Variants in CRNKL1 observed in about 807,000 individuals in gnomAD.
CRNKL1 encodes the protein crooked neck pre-mRNA splicing factor 1.
A neutral mutation model predicts 103.7 loss-of-function variants in CRNKL1; 35 were observed. That is an observed-to-expected ratio of 0.34 (90% CI 0.26 to 0.45). The LOEUF is 0.45. CRNKL1 is among the 20% of genes least tolerant of loss of function. The pLI is 1.00. For synonymous variants in CRNKL1, 267 were observed against 282.6 expected, an observed-to-expected ratio of 0.94 and a Z score of 0.55; for missense variants, 645 against 836.0, an observed-to-expected ratio of 0.77 and a Z score of 2.82.
chr20:20,052,761 C>G (rs1335346399), upstream of CRNKL1: 1 of 1,552,578 alleles, frequency 6.4e-7, no homozygotes, highest in Admixed American at 1.9e-5. Flanking sequence ...TCTGGATGCT[C>G]GAGGGCGGGG....
At chr20:20,038,315 G>A (rs1397662877) in intron 12 of CRNKL1, 34 bp downstream of exon 12, 2 of 1,333,456 alleles carry the variant, frequency 1.5e-6, no homozygotes, top group African/African-American at 2.9e-5. Context: ...GCTGATTCAA[G>A]CAAAATGAAA....
chr20:20,040,804 C>A (rs752845313), intron 9 of CRNKL1, 38 bp from the exon 10 acceptor site: 1 of 1,355,874 alleles, frequency 7.4e-7, no homozygotes, highest in South Asian at 1.3e-5. Flanking sequence ...AGCTTAAAAG[C>A]CTCATCCAAA....
chr20:20,040,544 T>C (rs2043496915), intron 10 of CRNKL1, 142 bp downstream of exon 10: 3 of 667,458 alleles, frequency 4.5e-6, no homozygotes, highest in Non-Finnish European at 7.8e-6. Context: ...AGAGGACGCA[T>C]GTTTTCTAAC....
chr20:20,055,535 G>A (rs2044247988), upstream of CRNKL1, among the ~76,000 whole-genome samples: 2 of 152,050 alleles, frequency 1.3e-5, no homozygotes, highest in Admixed American at 6.5e-5. Flanking sequence ...GTGTCAGATC[G>A]GCTCACATCA....
At chr20:20,041,045 G>A (rs1342622820) in intron 9 of CRNKL1, among the ~76,000 whole-genome samples, 1 of 152,206 alleles carries the variant, frequency 6.6e-6, no homozygotes, top group African/African-American at 2.4e-5. Flanking sequence ...GTATGGCACG[G>A]TAGCCTCTGC....
intron 2 of CRNKL1, 67 bp downstream of exon 2, chr20:20,050,403 G>A: frequency 1.4e-6 from 2 of 1,424,844 alleles, no homozygotes; most frequent in Non-Finnish European, 9.6e-7. Flanking sequence ...CAACCAATGA[G>A]GAGCTTTTCA....
Position 20,037,522 on chromosome 20 carries a change from C to T in CRNKL1, c.1697G>A (p.Ser566Asn). 1 of 1,614,160 alleles carries T rather than the reference C, an allele frequency of 6.2e-7. No individual in the cohort carries two copies. The highest frequency in any genetic ancestry group is 8.5e-7 in the Non-Finnish European group (1 of 1,180,010). The change falls in exon 13 of 14, where the codon AGT becomes AAT. Residue 566 changes from serine (S) to asparagine (N), a missense_variant. By Grantham distance (46) the Ser-to-Asn change is conservative. Coordinates refer to ENST00000536226, the MANE Select transcript of CRNKL1 (RefSeq NM_001278628.2). ...QFELSSGKEGSLTKCRQIYEE... is the reference protein window; with the variant it reads ...QFELSSGKEGNLTKCRQIYEE... ...ATAAATTTGTCTGCATTTAGTCAAA[C>T]TTCCTTCTTTTCCTGAAGACAACTC...
In CRNKL1 at chr20:20,035,939, C is replaced by A; in HGVS notation, c.*256G>T. On this transcript the variant is annotated 3_prime_UTR_variant, in exon 14 of 14. Transcript: ENST00000536226. The stretch of plus-strand genomic sequence containing the variant: ...TAGAATGTTACCTTAATTACATTTC[C>A]TAATGCATGATGTGGACAGACATTA... 1 of 377,076 alleles carries A rather than the reference C, an allele frequency of 2.7e-6. No homozygotes were observed. The allele number at this position is 377,076 out of a possible 1,614,324, so 23.4% of individuals were successfully genotyped here.
intron 11 of CRNKL1, chr20:20,038,677 A>G: frequency 2.6e-6 from 1 of 389,840 alleles, no homozygotes; most frequent in Non-Finnish European, 4.5e-6. Flanking sequence ...TCAGTCTTAG[A>G]GATTCTCTTT....
chr20:20,048,317 G>A, intron 4 of CRNKL1, 26 bp downstream of exon 4: 2 of 1,612,156 alleles, frequency 1.2e-6, no homozygotes, highest in South Asian at 2.2e-5. Flanking sequence ...TCTATAAAAG[G>A]CTGTTTTGTT....
At chr20:20,054,122 A>G (rs1316161414), upstream of CRNKL1, among the ~76,000 whole-genome samples, 1 of 148,128 alleles carries the variant, frequency 6.8e-6, no homozygotes, top group Non-Finnish European at 1.5e-5. Flanking sequence ...CCCAGCATTT[A>G]ATCTTGTATT....
intron 4 of CRNKL1, 118 bp from the exon 5 acceptor site, chr20:20,048,049 T>C: frequency 7.8e-7 from 1 of 1,275,906 alleles, no homozygotes. Context: ...TTGTCATTTG[T>C]ATGTAAATCT....
In CRNKL1 at chr20:20,038,405, T is replaced by G; in HGVS notation, c.1591A>C (p.Thr531Pro). 1 of 1,552,768 alleles carries G rather than the reference T, an allele frequency of 6.4e-7. No individual in the cohort carries two copies. Reference sequence around the variant, plus strand: ...CGGTAAAGGTTTCGTGTTCTTTCTGTTTCTTCCTGCTCAATTTCAAAATCA... The same window carrying G: ...CGGTAAAGGTTTCGTGTTCTTTCTGGTTCTTCCTGCTCAATTTCAAAATCA... ...YIDFEIEQEE[T>P]ERTRNLYRRL... Residue 531 changes from threonine (T) to proline (P), a missense_variant, in exon 12 of 14, where the codon ACA (threonine) becomes CCA (proline). Physicochemically the swap from Thr to Pro is conservative, Grantham distance 38. Coordinates refer to ENST00000536226, the MANE Select transcript of CRNKL1 (RefSeq NM_001278628.2).
chr20:20,037,392 A>C lies in CRNKL1; in HGVS notation c.1827T>G (p.Asp609Glu). 1 of 1,614,096 alleles carries C rather than the reference A, an allele frequency of 6.2e-7. No homozygotes were observed. Among genetic ancestry groups the C allele is most frequent in the South Asian group, 1.1e-5 (1 of 91,080 alleles). ...SFEEEFGTAS[D>E]KERVDKLMPE... ...GCATGAGTTTGTCTACTCTCTCCTT[A>C]TCTGAAGCTGTTCCAAATTCTTCTT... is the stretch of plus-strand genomic sequence containing the variant. Residue 609 changes from aspartate to glutamate, a missense_variant, in exon 13 of 14, where the codon GAT (aspartate) becomes GAG (glutamate). Transcript: ENST00000536226.
intron 13 of CRNKL1, 140 bp downstream of exon 13, chr20:20,037,183 G>A (rs1184725939): frequency 5.9e-6 from 6 of 1,015,818 alleles, no homozygotes; most frequent in Admixed American, 2.3e-5. Flanking sequence ...ATAACAGCCA[G>A]ATTGCAACCA....
At position 20,039,760 on chromosome 20, in the gene CRNKL1, C is replaced by T. The variant is rs1393718658; in HGVS notation, c.1394G>A (p.Arg465Gln). ...ELQLREFDRC[R>Q]KLYEKFLEFG... ...TTCCAGGAACTTTTCATAAAGCTTC[C>T]GGCATCTGTCAAATTCTCGAAGCTG... Residue 465 changes from arginine to glutamine, a missense_variant, in exon 11 of 14, where the codon CGG (arginine) becomes CAG (glutamine). Around this residue, in one of 2 missense-constraint regions of CRNKL1, gnomAD observed 582 missense variants for 707.7 expected, o/e 0.82. Coordinates refer to ENST00000536226, the MANE Select transcript of CRNKL1 (RefSeq NM_001278628.2). The T allele has an allele frequency of 2.2e-5, 35 of 1,614,010 alleles. No homozygotes were observed. Among genetic ancestry groups the T allele is most frequent in the Admixed American group, 1.3e-4 (8 of 60,002 alleles).
chr20:20,052,752 C>T, upstream of CRNKL1: 1 of 1,566,976 alleles, frequency 6.4e-7, no homozygotes, highest in Non-Finnish European at 8.7e-7. Context: ...GAGCTCCAAT[C>T]TGGATGCTCG....
chr20:20,044,786 AT>A (rs11478926), intron 6 of CRNKL1, among the ~76,000 whole-genome samples: 23,795 of 147,966 alleles, frequency 0.16, 3,659 homozygotes, highest in East Asian at 0.61. Context: ...TGCCCACTCA[AT>A]TTTTTTTTTT....
chr20:20,049,053 G>A (rs557680488), intron 3 of CRNKL1, among the ~76,000 whole-genome samples: 4 of 111,558 alleles, frequency 3.6e-5, no homozygotes, highest in African/African-American at 1.1e-4. Flanking sequence ...TTGTTTAGCT[G>A]AAATTTGTAA....
Sources: gnomAD v4.1 joint callset for allele counts (sites outside exome capture counted in the v4.1 genomes callset) on GRCh38, gnomAD v4.1.1 for gene constraint, gnomAD v4.1.1 regional missense constraint, MANE v1.5 for transcripts, NCBI Gene and HGNC (gene_info 2026-07-23, HGNC 2026-07-21) for gene names.